Variants in USP50 observed in about 807,000 individuals in gnomAD.
USP50 encodes the protein ubiquitin specific peptidase 50.
USP50 carries 37 observed loss-of-function variants against 39.2 expected under a neutral mutation model. The observed-to-expected ratio is 0.94, with a 90% CI of 0.73 to 1.24. USP50 has a LOEUF of 1.24. USP50 is among the 50% of genes most tolerant of loss of function. The pLI is 0.00. For synonymous variants in USP50, 139 were observed against 144.5 expected (o/e 0.96, Z 0.27); for missense variants, 374 against 398.2 (o/e 0.94, Z 0.52).
In USP50 at chr15:50,533,516, C is replaced by T. The variant is rs112692422; in HGVS notation, c.804-3587G>A. Among the ~76,000 whole-genome samples, 308 of 152,158 alleles carry T rather than the reference C, an allele frequency of 2.0e-3. 1 individual carries two copies. The highest frequency in any genetic ancestry group is 7.3e-3 in the African/African-American group (301 of 41,498). On this transcript the variant is annotated intron_variant, in intron 5 of 6. Transcript: ENST00000532404. Reference sequence around the variant, plus strand: ...TATAGAGGAGCAAACATAAGAATTACATCTAACTTCTCAGAAACCATGCAA... The same window carrying T: ...TATAGAGGAGCAAACATAAGAATTATATCTAACTTCTCAGAAACCATGCAA...
At chr15:50,530,038 G>A in intron 5 of USP50, 109 bp from the exon 6 acceptor site, 2 of 1,460,556 alleles carry the variant, frequency 1.4e-6, no homozygotes, top group Non-Finnish European at 1.9e-6. Flanking sequence ...TGGGCACAGT[G>A]GCTCATGCCT....
At chr15:50,518,396 T>A (rs570043738) in intron 6 of USP50, among the ~76,000 whole-genome samples, 44 of 151,862 alleles carry the variant, frequency 2.9e-4, no homozygotes, top group African/African-American at 9.7e-4. Flanking sequence ...AATTTTTTTT[T>A]ATATTTTTAG....
chr15:50,528,008 A>G (rs952006266), intron 6 of USP50, among the ~76,000 whole-genome samples: 1 of 151,956 alleles, frequency 6.6e-6, no homozygotes, highest in African/African-American at 2.4e-5. Context: ...TTCTCTTTCG[A>G]AACCAACTTT....
At position 50,544,794 on chromosome 15, in the gene USP50, C is replaced by T. The variant is rs750526313; in HGVS notation, c.54-13G>A. ...TGTGCACTCTGCACTGTGTTGGTGC[C>T]ACATGGGAAGAAAGGGTTTTGAGAG... On this transcript the variant is annotated splice_polypyrimidine_tract_variant and intron_variant, in intron 1 of 6. Coordinates refer to ENST00000532404, the MANE Select transcript of USP50 (RefSeq NM_203494.5). 2 of 1,606,884 alleles carry T rather than the reference C, an allele frequency of 1.2e-6. No homozygotes were observed. The highest frequency in any genetic ancestry group is 1.7e-6 in the Non-Finnish European group (2 of 1,175,394).
At chr15:50,518,462 C>T (rs76390818) in intron 6 of USP50, among the ~76,000 whole-genome samples, 28,419 of 151,646 alleles carry the variant, frequency 0.19, 2,930 homozygotes, top group Admixed American at 0.29. Context: ...CCGCCCACCT[C>T]GGCCTCCCAA....
At chr15:50,508,627 T>C (rs1184366222) in intron 6 of USP50, 1 of 151,878 alleles carries the variant, frequency 6.6e-6, no homozygotes, top group Non-Finnish European at 1.5e-5. Flanking sequence ...GTAAGAGGAA[T>C]AACCCATAAA....
Position 50,544,673 on chromosome 15 carries a change from G to A in USP50, c.162C>T (p.Cys54=). 4 of 1,613,902 alleles carry A rather than the reference G, an allele frequency of 2.5e-6. No homozygotes were observed. Among genetic ancestry groups the A allele is most frequent in the Non-Finnish European group, 3.4e-6 (4 of 1,179,860 alleles). Reference sequence around the variant, plus strand: ...AGAGACACTGTGAGATGGCATTCACGCAGCATGTGTTGCCCAAGTTCCACA... The same window carrying A: ...AGAGACACTGTGAGATGGCATTCACACAGCATGTGTTGCCCAAGTTCCACA... The part of the protein sequence containing the change: ...TGLWNLGNTC[C]VNAISQCLCS... Residue 54 remains cysteine (C), a synonymous_variant, in exon 2 of 7, where the codon TGC becomes TGT. Coordinates refer to ENST00000532404, the MANE Select transcript of USP50 (RefSeq NM_203494.5).
At chr15:50,494,844 G>A (rs148887035) in intron 1 of USP50, among the ~76,000 whole-genome samples, 1,610 of 151,996 alleles carry the variant, frequency 0.011, 28 homozygotes, top group African/African-American at 0.036. Flanking sequence ...GCAAAACCTC[G>A]TCTCTACTAA....
At chr15:50,494,220 G>T (rs145418277) in intron 1 of USP50, 1 of 1,613,408 alleles carries the variant, frequency 6.2e-7, no homozygotes, top group African/African-American at 1.3e-5. Context: ...GATACAGTCA[G>T]CAAGATTCAC....
chr15:50,518,224 T>G (rs1379013925), intron 6 of USP50, among the ~76,000 whole-genome samples: 4 of 110,120 alleles, frequency 3.6e-5, no homozygotes, highest in South Asian at 6.1e-4. Context: ...TTTTTCTTTT[T>G]TTGTTTTTTT....
At chr15:50,509,462 A>G (rs1198919016) in intron 6 of USP50, 1 of 152,102 alleles carries the variant, frequency 6.6e-6, no homozygotes, top group African/African-American at 2.4e-5. Flanking sequence ...CCTGGCTAAC[A>G]CGGTGAAACA....
At position 50,531,969 on chromosome 15, in the gene USP50, A is replaced by G. The variant is rs1332321598; in HGVS notation, c.804-2040T>C. The stretch of plus-strand genomic sequence containing the variant: ...CACAGGACAAACCACTGCCCCCAAA[A>G]CTGGAAAAACAGACCAGCAAACATA... On this transcript the variant is annotated intron_variant, in intron 5 of 6. Transcript: ENST00000532404. The G allele has an allele frequency of 1.9e-5, 7 of 360,190 alleles. No individual in the cohort carries two copies. The Admixed American group carries it at 2.1e-4, about 11-fold the overall frequency. The allele number at this position is 360,190 out of a possible 1,614,324, so 22.3% of individuals were successfully genotyped here.
chr15:50,545,694 AACAC>A (rs201737138), intron 1 of USP50, among the ~76,000 whole-genome samples: 7 of 151,326 alleles, frequency 4.6e-5, no homozygotes, highest in Admixed American at 3.3e-4. Context: ...TATACATATA[AACAC>A]ACACACACAC....
intron 5 of USP50, among the ~76,000 whole-genome samples, chr15:50,531,148 A>G (rs1193306604): frequency 1.3e-5 from 2 of 152,180 alleles, no homozygotes; most frequent in African/African-American, 4.8e-5. Context: ...CTTGTGTCAG[A>G]AAGCAAGATA....
At chr15:50,520,003 C>T (rs1274214460) in intron 6 of USP50, among the ~76,000 whole-genome samples, 3 of 152,008 alleles carry the variant, frequency 2.0e-5, no homozygotes, top group Non-Finnish European at 1.5e-5. Flanking sequence ...GCACTATTCA[C>T]GACATCCAAG....
At chr15:50,493,308 C>T (rs1174359473), downstream of USP50, 4 of 520,314 alleles carry the variant, frequency 7.7e-6, no homozygotes, top group African/African-American at 7.7e-5. Context: ...CTGGTGGTAA[C>T]CTATGAATAA....
intron 5 of USP50, chr15:50,532,287 G>C (rs565774736): frequency 1.1e-5 from 5 of 452,412 alleles, no homozygotes; most frequent in South Asian, 7.8e-5. Context: ...TGTTCGTAAA[G>C]CCTGCCCACA....
intron 2 of USP50, among the ~76,000 whole-genome samples, 158 bp downstream of exon 2, chr15:50,544,429 T>C (rs2053055382): frequency 6.6e-6 from 1 of 151,808 alleles, no homozygotes; most frequent in Non-Finnish European, 1.5e-5. Flanking sequence ...TGGTTGCCCT[T>C]CCCACTTTTA....
At chr15:50,530,286 A>T (rs1430867805) in intron 5 of USP50, among the ~76,000 whole-genome samples, 1 of 151,456 alleles carries the variant, frequency 6.6e-6, no homozygotes, top group Non-Finnish European at 1.5e-5. Flanking sequence ...CTGTCTCTAA[A>T]AAAAAGGAAC....
Sources: gnomAD v4.1 joint callset for allele counts (sites outside exome capture counted in the v4.1 genomes callset) on GRCh38, gnomAD v4.1.1 for gene constraint, MANE v1.5 for transcripts, NCBI Gene and HGNC (gene_info 2026-07-23, HGNC 2026-07-21) for gene names.